The following DCUN1D1 variants were observed in gnomAD, a reference collection of about 807,000 sequenced individuals.
DCUN1D1 encodes defective in cullin neddylation 1 domain containing 1.
Under a neutral mutation model 39.0 loss-of-function variants are expected in DCUN1D1, and 3 were observed. The observed-to-expected ratio is 0.08, with a 90% CI of 0.04 to 0.20. The LOEUF (loss-of-function observed/expected upper bound fraction) is 0.20, where lower values mean the gene tolerates loss of function less well. Among genes scored for constraint, DCUN1D1 ranks in the 10% least tolerant of loss-of-function variants. The probability of loss-of-function intolerance (pLI) is 1.00; values close to 1 mark genes in which losing one functional copy is unlikely to be tolerated. For synonymous variants in DCUN1D1, 82 were observed against 96.3 expected, an observed-to-expected ratio of 0.85 and a Z score of 0.87; for missense variants, 158 against 302.4, an observed-to-expected ratio of 0.52 and a Z score of 3.54.
intron 1 of DCUN1D1, among the ~76,000 whole-genome samples, chr3:182,974,453 A>C (rs1728106848): frequency 6.9e-6 from 1 of 145,180 alleles, no homozygotes; most frequent in Non-Finnish European, 1.5e-5. Flanking sequence ...ATCTTAAATT[A>C]ACAAAAGATT....
At chr3:182,955,288 A>T (rs779852442) in intron 4 of DCUN1D1, 225 of 542,924 alleles carry the variant, frequency 4.1e-4, no homozygotes, top group Non-Finnish European at 8.0e-4. Context: ...TCAAAATCCA[A>T]ATCATCATCA....
chr3:182,972,437 T>C (rs763060141), intron 1 of DCUN1D1, among the ~76,000 whole-genome samples: 1 of 152,206 alleles, frequency 6.6e-6, no homozygotes, highest in Non-Finnish European at 1.5e-5. Flanking sequence ...TCATTCATTC[T>C]TAAATTTCCT....
At chr3:182,968,583 G>GATATAT (rs138642068) in intron 1 of DCUN1D1, among the ~76,000 whole-genome samples, 1 of 150,798 alleles carries the variant, frequency 6.6e-6, no homozygotes, top group Non-Finnish European at 1.5e-5. Flanking sequence ...TGTAATAAAT[G>GATATAT]ATATATATAT....
At chr3:182,976,121 T>G (rs1007813849) in intron 1 of DCUN1D1, among the ~76,000 whole-genome samples, 4 of 152,150 alleles carry the variant, frequency 2.6e-5, no homozygotes, top group Non-Finnish European at 4.4e-5. Context: ...AATCCATTAG[T>G]TTTTATTGAA....
Position 182,954,540 on chromosome 3 carries a change from A to G in DCUN1D1, c.520+6686T>C, listed in dbSNP as rs1478229871. Among the ~76,000 whole-genome samples, 5 of 152,306 alleles carry G rather than the reference A, an allele frequency of 3.3e-5. No homozygotes were observed. In the East Asian group the frequency reaches 9.6e-4, roughly 29 times the overall value. On this transcript the variant is annotated intron_variant, in intron 4 of 6. Coordinates refer to ENST00000292782, the MANE Select transcript of DCUN1D1 (RefSeq NM_020640.4). ...TTTCTTCACCTGGCTGTATAAATGCATGAACTTTTCTTTATATTTATTAAA... is the reference window on the plus strand; with the variant it reads ...TTTCTTCACCTGGCTGTATAAATGCGTGAACTTTTCTTTATATTTATTAAA...
intron 4 of DCUN1D1, among the ~76,000 whole-genome samples, chr3:182,959,385 C>G (rs539459324): frequency 1.1e-4 from 16 of 149,854 alleles, no homozygotes; most frequent in Non-Finnish European, 1.9e-4. Context: ...CTTCCTCAAT[C>G]TAATCCGTTC....
intron 1 of DCUN1D1, among the ~76,000 whole-genome samples, chr3:182,974,328 C>G (rs763883486): frequency 6.6e-6 from 1 of 152,134 alleles, no homozygotes; most frequent in South Asian, 2.1e-4. Flanking sequence ...CTTAAAATAC[C>G]TGGATTAGTC....
chr3:182,963,220 A>G (rs1202021630), intron 3 of DCUN1D1, among the ~76,000 whole-genome samples: 1 of 152,250 alleles, frequency 6.6e-6, no homozygotes, highest in Non-Finnish European at 1.5e-5. Flanking sequence ...ATAGAAAACT[A>G]TTCTCAAAAA....
upstream of DCUN1D1, among the ~76,000 whole-genome samples, chr3:182,984,755 T>C (rs1728673010): frequency 1.3e-5 from 2 of 152,232 alleles, no homozygotes; most frequent in Non-Finnish European, 2.9e-5. Flanking sequence ...TAGTTGCAGT[T>C]CTGCTCAAAG....
At chr3:182,985,209 G>A (rs142831304), upstream of DCUN1D1, among the ~76,000 whole-genome samples, 1,085 of 152,230 alleles carry the variant, frequency 7.1e-3, 11 homozygotes, top group Middle Eastern at 0.017. Flanking sequence ...TGAAAGCCAC[G>A]GTTCCAAAGC....
chr3:182,949,988 T>C (rs929717616), intron 4 of DCUN1D1, among the ~76,000 whole-genome samples: 2 of 152,214 alleles, frequency 1.3e-5, no homozygotes, highest in African/African-American at 4.8e-5. Flanking sequence ...TCCTTTCTTC[T>C]ATCCAAGGAT....
intron 4 of DCUN1D1, among the ~76,000 whole-genome samples, chr3:182,950,106 T>A (rs570211645): frequency 6.6e-6 from 1 of 152,302 alleles, no homozygotes; most frequent in African/African-American, 2.4e-5. Flanking sequence ...TTTACCTTGT[T>A]CTCTGGCATT....
chr3:182,946,743 C>T (rs1726428278), intron 6 of DCUN1D1, among the ~76,000 whole-genome samples: 1 of 152,006 alleles, frequency 6.6e-6, no homozygotes, highest in Admixed American at 6.6e-5. Flanking sequence ...GACATGAATG[C>T]TGAGTAGGAA....
chr3:182,967,143 T>C (rs979431319), intron 1 of DCUN1D1, among the ~76,000 whole-genome samples: 1 of 148,330 alleles, frequency 6.7e-6, no homozygotes, highest in African/African-American at 2.5e-5. Flanking sequence ...TATATATATA[T>C]ATATATATAT....
intron 4 of DCUN1D1, chr3:182,951,114 G>A (rs1317205606): frequency 6.7e-6 from 1 of 149,782 alleles, no homozygotes; most frequent in Non-Finnish European, 1.5e-5. Context: ...TTCCTTCCAG[G>A]TTGTTCAATT....
chr3:182,979,235 A>G (rs1728393206), intron 1 of DCUN1D1, among the ~76,000 whole-genome samples: 1 of 152,212 alleles, frequency 6.6e-6, no homozygotes, highest in Non-Finnish European at 1.5e-5. Flanking sequence ...TAAGTGTTAA[A>G]TATGTGTCAG....
intron 1 of DCUN1D1, among the ~76,000 whole-genome samples, chr3:182,977,612 T>C (rs1728301144): frequency 6.6e-6 from 1 of 152,068 alleles, no homozygotes; most frequent in South Asian, 2.1e-4. Flanking sequence ...ATTTTTGTAT[T>C]TTTAGTAGAG....
rs553737777 is a variant in DCUN1D1 at position 182,941,437 on chromosome 3, T to A, written c.*3657A>T. On this transcript the variant is annotated 3_prime_UTR_variant, in exon 7 of 7. Transcript: ENST00000292782. ...TTGTAAAAATGGAGGCAATAAAGAG[T>A]TCAGAAATATACTCATTTATAATCA... The A allele has an allele frequency of 6.6e-6, 1 of 151,966 alleles. No individual in the cohort carries two copies. The highest frequency in any genetic ancestry group is 2.4e-5 in the African/African-American group (1 of 41,476). The allele number at this position is 151,966 out of a possible 1,614,324, so 9.4% of individuals were successfully genotyped here. A position where few individuals can be genotyped will look rare whatever the true frequency, so the allele number is the denominator to read the frequency against.
intron 4 of DCUN1D1, among the ~76,000 whole-genome samples, chr3:182,951,696 C>CTTT (rs1316828811): frequency 9.1e-6 from 1 of 109,394 alleles, no homozygotes; most frequent in Non-Finnish European, 1.9e-5. Context: ...AAGATAATTT[C>CTTT]TTTTTTTTTT....
Sources: gnomAD v4.1 joint callset for allele counts (sites outside exome capture counted in the v4.1 genomes callset) on GRCh38, gnomAD v4.1.1 for gene constraint, MANE v1.5 for transcripts, NCBI Gene and HGNC (gene_info 2026-07-23, HGNC 2026-07-21) for gene names.